PI4KA: variants seen among roughly 807,000 people sequenced by gnomAD.
PI4KA encodes PI4-kinase alpha.
PI4KA carries 122 observed loss-of-function variants against 271.4 expected under a neutral mutation model. The observed-to-expected ratio is 0.45, with a 90% CI of 0.39 to 0.52. The LOEUF (loss-of-function observed/expected upper bound fraction) is 0.52, where lower values mean the gene tolerates loss of function less well. Among genes scored for constraint, PI4KA ranks in the 20% least tolerant of loss-of-function variants. PI4KA has a pLI of 0.00. For synonymous variants in PI4KA, 1,041 were observed against 1,078.8 expected (o/e 0.96, Z 0.69); for missense variants, 1,969 against 2,769.1 (o/e 0.71, Z 6.48).
chr22:20,746,252 C>T lies in PI4KA; in HGVS notation c.3363+1331G>A, dbSNP rs111299250. 8.3e-3 allele frequency among the ~76,000 whole-genome samples: 1,259 copies of T among 151,750 alleles called. 6 individuals carry two copies. The highest frequency in any genetic ancestry group is 0.031 in the Middle Eastern group (9 of 294). ...TAATTTTTTGTATTTTTAGTAGAGA[C>T]GGGGTTTCACCGTGTTGGCCAGGAT... On this transcript the variant is annotated intron_variant, in intron 29 of 54. Coordinates refer to ENST00000255882, the MANE Select transcript of PI4KA (RefSeq NM_058004.4).
chr22:20,820,099 C>T (rs1166402117), intron 5 of PI4KA, among the ~76,000 whole-genome samples, 199 bp from the exon 6 acceptor site: 3 of 152,230 alleles, frequency 2.0e-5, no homozygotes, highest in African/African-American at 2.4e-5. Context: ...CAACTTCAGA[C>T]TATGACTTCA....
At chr22:20,826,641 T>C (rs919563748) in intron 3 of PI4KA, among the ~76,000 whole-genome samples, 1 of 152,228 alleles carries the variant, frequency 6.6e-6, no homozygotes, top group African/African-American at 2.4e-5. Context: ...CATTCCACAA[T>C]GGCTGAACTA....
chr22:20,764,978 C>T (rs1223097981), intron 21 of PI4KA, 28 bp from the exon 22 acceptor site: 15 of 1,593,050 alleles, frequency 9.4e-6, no homozygotes, highest in African/African-American at 1.3e-5. Context: ...TCCGAGGGCT[C>T]ATGGGGCATC....
chr22:20,796,469 G>C (rs767986735), intron 17 of PI4KA, among the ~76,000 whole-genome samples, 155 bp from the exon 18 acceptor site: 14 of 152,252 alleles, frequency 9.2e-5, no homozygotes, highest in Non-Finnish European at 1.5e-4. Flanking sequence ...CTCAAGTGGA[G>C]AAGAACATGT....
chr22:20,733,137 G>C (rs745980531), intron 35 of PI4KA, 39 bp from the exon 36 acceptor site: 72 of 1,611,234 alleles, frequency 4.5e-5, no homozygotes, highest in Non-Finnish European at 5.9e-5. Flanking sequence ...TGAGTGTCTG[G>C]AGTCAGGGAC....
At chr22:20,841,940 G>A (rs1169627690) in intron 1 of PI4KA, among the ~76,000 whole-genome samples, 1 of 152,166 alleles carries the variant, frequency 6.6e-6, no homozygotes, top group Admixed American at 6.5e-5. Flanking sequence ...TGATGGCTGG[G>A]TGCGGTGGCT....
rs73160984 is a variant in PI4KA, at chr22:20,751,853, T to C, written c.2988-98A>G. 65,530 of 1,013,708 alleles carry C rather than the reference T, an allele frequency of 0.065. 2,261 individuals carry two copies. The highest frequency in any genetic ancestry group is 0.069 in the South Asian group (5,028 of 73,292). The allele number at this position is 1,013,708 out of a possible 1,614,324, so 62.8% of individuals were successfully genotyped here. ...GCTGCCAGCCCGAGCCCATATCTGC[T>C]TCAGGCCAGCTGAAGGAGGAGGTCG... On this transcript the variant is annotated intron_variant, in intron 25 of 54. Coordinates refer to ENST00000255882, the MANE Select transcript of PI4KA (RefSeq NM_058004.4).
chr22:20,787,527 G>C (rs1248536913), intron 19 of PI4KA: 1 of 235,768 alleles, frequency 4.2e-6, no homozygotes, highest in Non-Finnish European at 8.4e-6. Context: ...TTGATGTCCA[G>C]GGAAGAAGCC....
intron 31 of PI4KA, 44 bp downstream of exon 31, chr22:20,742,564 A>C: frequency 6.2e-7 from 1 of 1,609,074 alleles, no homozygotes. Context: ...GCCAGCATTC[A>C]TTTAGAAACG....
intron 1 of PI4KA, among the ~76,000 whole-genome samples, chr22:20,846,033 G>A (rs111524150): frequency 4.5e-4 from 68 of 152,068 alleles, no homozygotes; most frequent in African/African-American, 1.5e-3. Context: ...CGAGGCGGGC[G>A]GATCAGGAGG....
intron 22 of PI4KA, 127 bp from the exon 23 acceptor site, chr22:20,761,513 C>A (rs975049734): frequency 6.0e-6 from 4 of 671,048 alleles, no homozygotes; most frequent in African/African-American, 1.8e-5. Flanking sequence ...AGGGTGCACA[C>A]TGAGGTGGAC....
At chr22:20,708,385 C>T (rs1024295485) in intron 54 of PI4KA, among the ~76,000 whole-genome samples, 1 of 151,816 alleles carries the variant, frequency 6.6e-6, no homozygotes, top group African/African-American at 2.4e-5. Flanking sequence ...CCAGATGCCT[C>T]CAAGGGGTCT....
chr22:20,789,180 T>C (rs1474618614), intron 19 of PI4KA, among the ~76,000 whole-genome samples: 1 of 152,188 alleles, frequency 6.6e-6, no homozygotes, highest in Non-Finnish European at 1.5e-5. Flanking sequence ...GGCTCTGCCA[T>C]CTAGTAGCTA....
Position 20,838,708 on chromosome 22 carries a change from A to G in PI4KA, c.180T>C (p.Cys60=). ...LEKVQKLLCM[C]PVDFHGIFQL... is the part of the protein sequence containing the mutation. Reference sequence around the variant, plus strand: ...GGAAGATCCCATGGAAATCCACTGGACACATGCAAAGAAGCTTTTGGACCT... The same window carrying G: ...GGAAGATCCCATGGAAATCCACTGGGCACATGCAAAGAAGCTTTTGGACCT... Residue 60 remains cysteine (C), a synonymous_variant, in exon 2 of 55, where the codon TGT becomes TGC. Transcript: ENST00000255882. The G allele has an allele frequency of 6.2e-7, 1 of 1,612,130 alleles. No individual in the cohort carries two copies. The highest frequency in any genetic ancestry group is 8.5e-7 in the Non-Finnish European group (1 of 1,178,250).
rs573982292 is a variant in PI4KA, at chr22:20,764,706, T to C, written c.2708+111A>G. The C allele has an allele frequency of 2.5e-6, 3 of 1,203,208 alleles. No individual in the cohort carries two copies. The African/African-American group carries it at 4.6e-5, about 19-fold the overall frequency. 74.5% of individuals were successfully genotyped at this position (1,203,208 alleles called of 1,614,324 possible). ...TGTTTTTGCTTGGTTTTTCAGAAAGTTTGCATGTCTTGGGAGAAGTTGAAA... is the reference window on the plus strand; with the variant it reads ...TGTTTTTGCTTGGTTTTTCAGAAAGCTTGCATGTCTTGGGAGAAGTTGAAA... On this transcript the variant is annotated intron_variant, in intron 22 of 54. Transcript: ENST00000255882.
intron 42 of PI4KA, among the ~76,000 whole-genome samples, chr22:20,722,789 G>T (rs1437422356): frequency 6.6e-6 from 1 of 152,114 alleles, no homozygotes. Context: ...TGGGTGAGTC[G>T]GGGGTGGTCT....
At chr22:20,850,868 C>T (rs1311193823) in intron 1 of PI4KA, among the ~76,000 whole-genome samples, 1 of 151,930 alleles carries the variant, frequency 6.6e-6, no homozygotes, top group African/African-American at 2.4e-5. Flanking sequence ...AGTAAGACCC[C>T]ATCTCTAAAA....
intron 2 of PI4KA, among the ~76,000 whole-genome samples, chr22:20,835,802 A>G (rs1241097155): frequency 6.6e-6 from 1 of 152,100 alleles, no homozygotes; most frequent in Admixed American, 6.6e-5. Context: ...TAATCCCAGC[A>G]CTTTGGGAGG....
intron 19 of PI4KA, among the ~76,000 whole-genome samples, chr22:20,781,973 G>A (rs1429242329): frequency 1.3e-5 from 2 of 152,318 alleles, no homozygotes; most frequent in East Asian, 1.9e-4. Flanking sequence ...AGAGCTCAGC[G>A]AATTTGAGGG....
Sources: gnomAD v4.1 joint callset for allele counts (sites outside exome capture counted in the v4.1 genomes callset) on GRCh38, gnomAD v4.1.1 for gene constraint, MANE v1.5 for transcripts, NCBI Gene and HGNC (gene_info 2026-07-23, HGNC 2026-07-21) for gene names.